The following KIF14 variants were observed in gnomAD, a reference collection of about 807,000 sequenced individuals.
KIF14 encodes the protein kinesin family member 14, also known as kinesin-like protein KIF14.
A neutral mutation model predicts 176.2 loss-of-function variants in KIF14; 98 were observed. That is an observed-to-expected ratio of 0.56 (90% confidence interval 0.47 to 0.66). KIF14 has a LOEUF of 0.66. Ranked by LOEUF, KIF14 falls within the 30% of genes least tolerant of loss-of-function variation. The pLI, the probability that KIF14 is intolerant of heterozygous loss-of-function variation, is 0.00. For missense variants in KIF14, 1,751 were observed against 1,920.4 expected, an observed-to-expected ratio of 0.91 and a Z score of 1.65; for synonymous variants, 566 against 632.2, an observed-to-expected ratio of 0.90 and a Z score of 1.57.
chr1:200,553,260 T>TA lies in KIF14; in HGVS notation c.*127dup. ...CTTTGATAAATAGATATTTTAAAGA[T>TA]AAAAAGACATGGACTTTTTTGAAAT... is the stretch of plus-strand genomic sequence containing the variant. On this transcript the variant is annotated 3_prime_UTR_variant, in exon 30 of 30. Coordinates refer to ENST00000367350, the MANE Select transcript of KIF14 (RefSeq NM_014875.3). 1 of 1,005,038 alleles carries TA rather than the reference T, an allele frequency of 9.9e-7. No homozygotes were observed. The allele number at this position is 1,005,038 out of a possible 1,614,324, so 62.3% of individuals were successfully genotyped here. A position where few individuals can be genotyped will look rare whatever the true frequency, so the allele number is the denominator to read the frequency against.
chr1:200,603,305 C>G lies in KIF14; in HGVS notation c.1900G>C (p.Gly634Arg), dbSNP rs1451832491. ...VSINKSLLTL[G>R]KVISALSEQA... ...TCCGAAAGTGCAGATATAACTTTTC[C>G]CAAAGTTAGCAAGGACTTATTAATA... is the stretch of plus-strand genomic sequence containing the variant. The change falls in exon 10 of 30, where the codon GGA becomes CGA. Residue 634 changes from glycine (G) to arginine (R), a missense_variant. Physicochemically the swap from Gly to Arg is moderately radical, Grantham distance 125 (BLOSUM62 -2). Coordinates refer to ENST00000367350, the MANE Select transcript of KIF14 (RefSeq NM_014875.3). 1 of 1,607,460 alleles carries G rather than the reference C, an allele frequency of 6.2e-7. No individual in the cohort carries two copies. The highest frequency in any genetic ancestry group is 1.3e-5 in the African/African-American group (1 of 74,756).
chr1:200,598,457 A>C, intron 13 of KIF14, 36 bp from the exon 14 acceptor site: 1 of 1,532,816 alleles, frequency 6.5e-7, no homozygotes, highest in Non-Finnish European at 8.9e-7. Context: ...AATCTTAATC[A>C]CAGTATGAAA....
At chr1:200,558,130 A>AT (rs1251011527) in intron 27 of KIF14, among the ~76,000 whole-genome samples, 1 of 152,036 alleles carries the variant, frequency 6.6e-6, no homozygotes, top group African/African-American at 2.4e-5. Context: ...TAATTTCTGT[A>AT]TTTTTTGTAG....
At chr1:200,607,044 GT>G (rs1331552832) in intron 5 of KIF14, among the ~76,000 whole-genome samples, 1 of 117,206 alleles carries the variant, frequency 8.5e-6, no homozygotes, top group South Asian at 3.2e-4. Flanking sequence ...AGTCTTACTA[GT>G]TTTTTTATTC....
In KIF14 at chr1:200,569,930, C is replaced by A; in HGVS notation, c.3642G>T (p.Leu1214Phe). The A allele has an allele frequency of 1.3e-6, 2 of 1,592,580 alleles. No homozygotes were observed. The highest frequency in any genetic ancestry group is 1.7e-6 in the Non-Finnish European group (2 of 1,164,334). The change falls in exon 23 of 30, where the codon TTG becomes TTT. Residue 1214 changes from leucine (L) to phenylalanine (F), a missense_variant. Leu to Phe is a conservative substitution (Grantham distance 22). Coordinates refer to ENST00000367350, the MANE Select transcript of KIF14 (RefSeq NM_014875.3). ...AAATACCTGATGAATGTGAAGAATG[C>A]AAATTCTTAATTGGATGGACTTGTA... ...HDIQVHPIKNLHSSHSSGLMD... is the reference protein window; with the variant it reads ...HDIQVHPIKNFHSSHSSGLMD...
chr1:200,579,617 T>A (rs10800713), intron 21 of KIF14, among the ~76,000 whole-genome samples: 116,431 of 151,128 alleles, frequency 0.77, 44,973 homozygotes, highest in African/African-American at 0.83. Context: ...TTCAAAAAAA[T>A]ATATATATAT....
intron 1 of KIF14, among the ~76,000 whole-genome samples, chr1:200,619,442 T>A (rs1660577004): frequency 6.6e-6 from 1 of 152,172 alleles, no homozygotes; most frequent in Admixed American, 6.5e-5. Context: ...AACCTCCTCC[T>A]CCTGTATTCA....
chr1:200,590,216 C>T lies in KIF14; in HGVS notation c.2870G>A (p.Gly957Glu). 6.2e-7 allele frequency: 1 copy of T among 1,613,832 alleles called. No homozygotes were observed. Among genetic ancestry groups the T allele is most frequent in the East Asian group, 2.2e-5 (1 of 44,874 alleles). ...QLKAKEEMMQ[G>E]IQIAKEMAQQ... ...AGCCATTTCTTTTGCAATCTGGATT[C>T]CTTGCATCATTTCTTCCTTTGCCTT... Residue 957 changes from glycine (G) to glutamate (E), a missense_variant, in exon 17 of 30, where the codon GGA becomes GAA. Coordinates refer to ENST00000367350, the MANE Select transcript of KIF14 (RefSeq NM_014875.3).
At chr1:200,605,763 A>G (rs1388470707) in intron 7 of KIF14, 101 bp downstream of exon 7, 1 of 725,184 alleles carries the variant, frequency 1.4e-6, no homozygotes, top group Non-Finnish European at 2.2e-6. Flanking sequence ...TAAGGAAACT[A>G]ACCTTTTATT....
intron 20 of KIF14, among the ~76,000 whole-genome samples, chr1:200,580,594 G>T (rs1234329994): frequency 1.3e-5 from 2 of 151,692 alleles, no homozygotes; most frequent in Non-Finnish European, 2.9e-5. Context: ...TTCTAATAAG[G>T]TATGTTCCTT....
At chr1:200,573,166 G>A (rs774316886) in intron 22 of KIF14, among the ~76,000 whole-genome samples, 9 of 152,172 alleles carry the variant, frequency 5.9e-5, no homozygotes, top group Non-Finnish European at 1.3e-4. Flanking sequence ...GGTGGTCATA[G>A]TAGAAGCAGC....
chr1:200,614,551 G>C, intron 3 of KIF14, 146 bp from the exon 4 acceptor site: 1 of 583,690 alleles, frequency 1.7e-6, no homozygotes, highest in South Asian at 2.2e-5. Flanking sequence ...AAATCTGCCT[G>C]AGTCCAAATC....
At chr1:200,565,989 A>T (rs1657426483) in intron 23 of KIF14, among the ~76,000 whole-genome samples, 1 of 152,198 alleles carries the variant, frequency 6.6e-6, no homozygotes, top group Non-Finnish European at 1.5e-5. Flanking sequence ...TCTTCCAAAA[A>T]TGTTCAGGCA....
intron 2 of KIF14, among the ~76,000 whole-genome samples, chr1:200,616,189 T>C (rs1660398804): frequency 6.6e-6 from 1 of 152,130 alleles, no homozygotes; most frequent in East Asian, 1.9e-4. Context: ...CAGAAAAACA[T>C]CATCACTCTT....
intron 1 of KIF14, among the ~76,000 whole-genome samples, chr1:200,619,379 A>G (rs2808242): frequency 0.37 from 55,890 of 151,274 alleles, 10,841 homozygotes; most frequent in African/African-American, 0.47. Context: ...TTTGAGATGG[A>G]GTCTTGCTCT....
chr1:200,554,210 G>C (rs1194306002), intron 29 of KIF14, among the ~76,000 whole-genome samples: 11 of 152,140 alleles, frequency 7.2e-5, no homozygotes. Flanking sequence ...GGCCAACATG[G>C]TGAAACCCCA....
chr1:200,562,377 A>G (rs991467187), intron 25 of KIF14, among the ~76,000 whole-genome samples: 1 of 152,258 alleles, frequency 6.6e-6, no homozygotes, highest in African/African-American at 2.4e-5. Context: ...TTCTTATAAC[A>G]TTAATTCATC....
At chr1:200,595,654 T>C (rs1426084983) in intron 14 of KIF14, among the ~76,000 whole-genome samples, 1 of 152,036 alleles carries the variant, frequency 6.6e-6, no homozygotes, top group Admixed American at 6.6e-5. Context: ...CCCTAACAGA[T>C]ATAAAGATTC....
intron 29 of KIF14, 50 bp from the exon 30 acceptor site, chr1:200,553,817 C>T (rs2102547979): frequency 6.6e-7 from 1 of 1,511,222 alleles, no homozygotes; most frequent in Non-Finnish European, 8.9e-7. Context: ...CAGTTTTCAT[C>T]AGGTATTTAT....
Sources: allele counts gnomAD v4.1 joint callset (sites outside exome capture counted in the v4.1 genomes callset), GRCh38; gene constraint gnomAD v4.1.1; transcripts MANE v1.5; gene names NCBI Gene and HGNC (gene_info 2026-07-23, HGNC 2026-07-21).